Variants in DPH6 observed in about 807,000 individuals in gnomAD.
DPH6 encodes the protein diphthamine biosynthesis 6, also known as diphthine--ammonia ligase.
In DPH6, 33 loss-of-function variants were observed where a neutral mutation model predicts 38.2. That is an observed-to-expected ratio of 0.86 (90% CI 0.65 to 1.15). The LOEUF is 1.15. DPH6 is among the 50% of genes most tolerant of loss of function. The pLI is 0.00. For missense variants in DPH6, 325 were observed against 320.0 expected (o/e 1.02, Z -0.12); for synonymous variants, 108 against 103.0 (o/e 1.05, Z -0.30).
chr15:35,314,062 T>C (rs1208333467), intron 3 of DPH6, among the ~76,000 whole-genome samples: 1 of 146,862 alleles, frequency 6.8e-6, no homozygotes, highest in East Asian at 2.0e-4. Context: ...AAGGGATTAA[T>C]AGCCAGAATA....
chr15:35,512,632 T>C (rs973344686), intron 3 of DPH6, among the ~76,000 whole-genome samples: 1 of 152,042 alleles, frequency 6.6e-6, no homozygotes, highest in Non-Finnish European at 1.5e-5. Context: ...AAGAAGAATA[T>C]GCAGTCAAAA....
chr15:35,422,434 T>C (rs1168809889), intron 5 of DPH6, among the ~76,000 whole-genome samples: 2 of 151,976 alleles, frequency 1.3e-5, no homozygotes, highest in Non-Finnish European at 1.5e-5. Flanking sequence ...TATTGAGATA[T>C]AGTTGAGAAT....
At chr15:35,238,130 G>A (rs764180734) in intron 3 of DPH6, 149 of 1,129,100 alleles carry the variant, frequency 1.3e-4, no homozygotes, top group Middle Eastern at 2.1e-4. Flanking sequence ...CCCCTCCCCC[G>A]CTCCAATCCT....
intron 6 of DPH6, among the ~76,000 whole-genome samples, chr15:35,395,306 A>T (rs1206217380): frequency 6.6e-6 from 1 of 152,184 alleles, no homozygotes; most frequent in Non-Finnish European, 1.5e-5. Context: ...CCATAACAGC[A>T]TCTTACACTC....
chr15:35,473,767 C>T (rs192307578), intron 3 of DPH6, among the ~76,000 whole-genome samples: 135 of 152,122 alleles, frequency 8.9e-4, no homozygotes, highest in African/African-American at 2.9e-3. Flanking sequence ...CCTAAATGCT[C>T]CTCAGTAGGG....
intron 3 of DPH6, among the ~76,000 whole-genome samples, chr15:35,534,377 C>CA (rs55974798): frequency 0.03 from 3,080 of 104,120 alleles, 105 homozygotes; most frequent in African/African-American, 0.099. Context: ...AACTCTGTCT[C>CA]AAAAAAAAAA....
At chr15:35,311,963 G>A (rs540620988) in intron 3 of DPH6, among the ~76,000 whole-genome samples, 7 of 116,090 alleles carry the variant, frequency 6.0e-5, no homozygotes, top group South Asian at 2.9e-4. Context: ...ATCCAAACAC[G>A]AATAACTACT....
the DPH6 span, among the ~76,000 whole-genome samples, chr15:35,170,669 G>A: frequency 5.3e-5 from 8 of 152,142 alleles, no homozygotes; most frequent in Admixed American, 5.2e-4. Flanking sequence ...TAATAAAGAA[G>A]GTTGTTGAGT....
At chr15:35,306,298 A>C (rs535822749) in intron 3 of DPH6, among the ~76,000 whole-genome samples, 52 of 152,350 alleles carry the variant, frequency 3.4e-4, no homozygotes, top group African/African-American at 1.2e-3. Flanking sequence ...AATAAAATAC[A>C]TTTCCCACCA....
rs555302275 is a variant in DPH6, at chr15:35,229,916, CACCTGG to C, written n.201-9340_201-9335del. Among the ~76,000 whole-genome samples, 436 of 152,322 alleles carry C rather than the reference CACCTGG, an allele frequency of 2.9e-3. 1 individual carries two copies. Among genetic ancestry groups the C allele is most frequent in the African/African-American group, 1.0e-2 (415 of 41,572 alleles). ...GAGTCTCTTCCTCTCTGTTTTGAGC[CACCTGG>C]AGCTGGGGATGGAGTGACACAGGAA... On this transcript the variant is annotated intron_variant and non_coding_transcript_variant, in intron 3 of 3. Transcript: ENST00000560386.
intron 3 of DPH6, among the ~76,000 whole-genome samples, chr15:35,365,087 C>G (rs2052645538): frequency 6.6e-6 from 1 of 152,020 alleles, no homozygotes; most frequent in African/African-American, 2.4e-5. Context: ...AAACACAACT[C>G]AAACACAACT....
intron 1 of DPH6, among the ~76,000 whole-genome samples, chr15:35,542,985 T>G (rs2055283978): frequency 1.1e-5 from 1 of 91,872 alleles, no homozygotes; most frequent in Non-Finnish European, 2.4e-5. Flanking sequence ...TCATAGAAAT[T>G]ATTGGGAAAA....
chr15:35,524,347 TA>T (rs2054967538), intron 3 of DPH6, among the ~76,000 whole-genome samples: 1 of 152,104 alleles, frequency 6.6e-6, no homozygotes, highest in Non-Finnish European at 1.5e-5. Flanking sequence ...AGTAATTATT[TA>T]AAATTATTCT....
chr15:35,214,034 C>G (rs1331286147), downstream of DPH6, among the ~76,000 whole-genome samples: 1 of 151,852 alleles, frequency 6.6e-6, no homozygotes, highest in Non-Finnish European at 1.5e-5. Context: ...ATGGCGTGAA[C>G]CCGCGAGACA....
chr15:35,405,264 G>C (rs889036345), intron 6 of DPH6, among the ~76,000 whole-genome samples: 9 of 151,856 alleles, frequency 5.9e-5, no homozygotes, highest in African/African-American at 2.2e-4. Context: ...TTGGTATTTT[G>C]ATAGAAATTG....
chr15:35,542,504 A>G lies in DPH6; in HGVS notation c.27T>C (p.Gly9=), dbSNP rs1031533779. The G allele has an allele frequency of 4.5e-6, 7 of 1,544,480 alleles. No individual in the cohort carries two copies. The African/African-American group carries it at 9.4e-5, about 21-fold the overall frequency. The change falls in exon 2 of 9, where the codon GGT becomes GGC. Residue 9 remains glycine (G), a synonymous_variant. Coordinates refer to ENST00000256538, the MANE Select transcript of DPH6 (RefSeq NM_080650.4). The part of the protein sequence containing the change: MRVAALIS[G]GKDSCYNMMQ... ...TCATATTATAGCAGCTGTCCTTCCC[A>G]CCACTAAACAATAAATCAAGAGAGG...
chr15:35,485,839 G>A (rs2054391114), intron 3 of DPH6, among the ~76,000 whole-genome samples: 1 of 152,178 alleles, frequency 6.6e-6, no homozygotes, highest in Admixed American at 6.5e-5. Flanking sequence ...TAAACTCAAA[G>A]CTCACACCCA....
At chr15:35,152,628 T>G in the DPH6 span, among the ~76,000 whole-genome samples, 1 of 152,188 alleles carries the variant, frequency 6.6e-6, no homozygotes, top group Non-Finnish European at 1.5e-5. Context: ...GCCTCCCAAG[T>G]AGCTAGGACT....
intron 5 of DPH6, among the ~76,000 whole-genome samples, chr15:35,433,351 G>C (rs1161718284): frequency 6.6e-6 from 1 of 152,132 alleles, no homozygotes; most frequent in African/African-American, 2.4e-5. Context: ...TTAACTTTAT[G>C]AAGATAGCTT....
Sources: gnomAD v4.1 joint callset for allele counts (sites outside exome capture counted in the v4.1 genomes callset) on GRCh38, gnomAD v4.1.1 for gene constraint, MANE v1.5 for transcripts, NCBI Gene and HGNC (gene_info 2026-07-23, HGNC 2026-07-21) for gene names.